The following SYT2 variants were observed in gnomAD, a reference collection of about 807,000 sequenced individuals.
The protein encoded by SYT2 is synaptotagmin-2.
A neutral mutation model predicts 39.9 loss-of-function variants in SYT2; 15 were observed. That is an observed-to-expected ratio of 0.38 (90% CI 0.25 to 0.58). The LOEUF (loss-of-function observed/expected upper bound fraction) is 0.58, where lower values mean the gene tolerates loss of function less well. Among genes scored for constraint, SYT2 ranks in the 20% least tolerant of loss-of-function variants. The pLI, the probability that SYT2 is intolerant of heterozygous loss-of-function variation, is 0.70. For missense variants in SYT2, 389 were observed against 530.3 expected (o/e 0.73, Z 2.62); for synonymous variants, 181 against 204.5 (o/e 0.89, Z 0.98).
chr1:202,597,028 C>T lies in SYT2; in HGVS notation c.1054-65G>A. On this transcript the variant is annotated intron_variant, in intron 8 of 8. Coordinates refer to ENST00000367268, the MANE Select transcript of SYT2 (RefSeq NM_177402.5). ...GTGGGATCCCATGACCAAATTTATC[C>T]TCCATCAACCTCTACTCCCAATGAT... is the stretch of plus-strand genomic sequence containing the variant. 6.5e-6 allele frequency: 9 copies of T among 1,389,714 alleles called. No homozygotes were observed. The South Asian group carries it at 9.9e-5, about 15-fold the overall frequency. 86.1% of individuals were successfully genotyped at this position (1,389,714 alleles called of 1,614,324 possible).
chr1:202,702,369 T>C (rs1654143189), intron 1 of SYT2, among the ~76,000 whole-genome samples: 1 of 152,214 alleles, frequency 6.6e-6, no homozygotes, highest in African/African-American at 2.4e-5. Flanking sequence ...AATGCCAGGA[T>C]TGATTTGGAA....
At chr1:202,615,526 C>A (rs1691010380) in intron 1 of SYT2, among the ~76,000 whole-genome samples, 1 of 152,232 alleles carries the variant, frequency 6.6e-6, no homozygotes, top group Admixed American at 6.5e-5. Flanking sequence ...AGCCTCCTAT[C>A]TGGAAGCTTC....
chr1:202,690,713 G>T (rs1403315365), intron 1 of SYT2, among the ~76,000 whole-genome samples: 1 of 152,242 alleles, frequency 6.6e-6, no homozygotes, highest in Non-Finnish European at 1.5e-5. Flanking sequence ...GCTAGGCACT[G>T]AATAAGGCAC....
intron 1 of SYT2, chr1:202,627,706 C>A (rs1392318721): frequency 4.8e-6 from 4 of 835,210 alleles, no homozygotes; most frequent in Non-Finnish European, 5.8e-6. Context: ...TGAAAATAAC[C>A]CCTAGCATGT....
intron 1 of SYT2, among the ~76,000 whole-genome samples, chr1:202,638,270 T>C (rs1337582893): frequency 2.1e-5 from 3 of 144,818 alleles, no homozygotes; most frequent in African/African-American, 7.7e-5. Context: ...CTCCCCAGTC[T>C]CAGGACACAG....
intron 2 of SYT2, 196 bp downstream of exon 2, chr1:202,605,399 C>A (rs1197114592): frequency 4.3e-6 from 2 of 468,938 alleles, no homozygotes; most frequent in South Asian, 5.4e-5. Flanking sequence ...CGCACATAAA[C>A]CCCCTTGTTT....
rs548817711 is a variant in SYT2, at chr1:202,688,983, C to T, written c.-18+21275G>A. Among the ~76,000 whole-genome samples, 8 of 152,262 alleles carry T rather than the reference C, an allele frequency of 5.3e-5. No homozygotes were observed. In the East Asian group the frequency reaches 7.7e-4, roughly 15 times the overall value. On this transcript the variant is annotated intron_variant, in intron 1 of 8. Transcript: ENST00000367268. Reference sequence around the variant, plus strand: ...TGGCCTGCAGCTCCAGGAAGGTTAACGGCTCACGGAGCAGCTCCAACGGGC... The same window carrying T: ...TGGCCTGCAGCTCCAGGAAGGTTAATGGCTCACGGAGCAGCTCCAACGGGC...
chr1:202,605,789 G>GCTGGGGAC lies in SYT2; in HGVS notation c.-17-8_-17-1dup. The GCTGGGGAC allele has an allele frequency of 6.2e-7, 1 of 1,612,812 alleles. No homozygotes were observed. The highest frequency in any genetic ancestry group is 1.3e-5 in the African/African-American group (1 of 75,024). ...GTTCCTCATGGTGGCAGAGGAAACA[G>GCTGGGGAC]CTGGGGACGAGAGGTGAAGAGGGCA... On this transcript the variant is annotated splice_region_variant and 5_prime_UTR_variant. Coordinates refer to ENST00000367268, the MANE Select transcript of SYT2 (RefSeq NM_177402.5).
chr1:202,659,549 A>C (rs1692341295), intron 1 of SYT2, among the ~76,000 whole-genome samples: 1 of 152,194 alleles, frequency 6.6e-6, no homozygotes. Flanking sequence ...TTAGCCTTGG[A>C]AACGACTCTG....
At chr1:202,643,904 T>TC (rs1242622635) in intron 1 of SYT2, among the ~76,000 whole-genome samples, 1 of 151,974 alleles carries the variant, frequency 6.6e-6, no homozygotes, top group African/African-American at 2.4e-5. Flanking sequence ...TTACAGCCTC[T>TC]CGGTTCGGGG....
In SYT2 at chr1:202,638,784, A is replaced by G. The variant is rs530766611; in HGVS notation, c.-17-32995T>C. ...CCCCTACCCCGCCCCATCCCAAGTC[A>G]GACTTATTCCCCGTCCTTTGCCCCT... On this transcript the variant is annotated intron_variant, in intron 1 of 8. Coordinates refer to ENST00000367268, the MANE Select transcript of SYT2 (RefSeq NM_177402.5). Among the ~76,000 whole-genome samples the G allele has an allele frequency of 9.2e-5, 14 of 152,184 alleles. 1 individual carries two copies. The highest frequency in any genetic ancestry group is 3.1e-4 in the African/African-American group (13 of 41,488).
intron 1 of SYT2, chr1:202,636,402 C>T: frequency 2.0e-6 from 2 of 985,320 alleles, no homozygotes; most frequent in Non-Finnish European, 2.4e-6. Flanking sequence ...AGAGGCCAAC[C>T]TGTGCATCCG....
At chr1:202,624,044 C>G (rs1691273333) in intron 1 of SYT2, among the ~76,000 whole-genome samples, 2 of 152,234 alleles carry the variant, frequency 1.3e-5, no homozygotes, top group Admixed American at 6.5e-5. Context: ...AACACACTAG[C>G]TCTGCCGATC....
chr1:202,662,561 G>A (rs1692401621), intron 1 of SYT2, among the ~76,000 whole-genome samples: 1 of 152,220 alleles, frequency 6.6e-6, no homozygotes, highest in African/African-American at 2.4e-5. Flanking sequence ...TAACCAAGAG[G>A]CAACGGATGG....
chr1:202,687,316 C>T (rs1389932637), intron 1 of SYT2, among the ~76,000 whole-genome samples: 1 of 152,150 alleles, frequency 6.6e-6, no homozygotes, highest in Non-Finnish European at 1.5e-5. Context: ...CCCCACCTGG[C>T]CCTAAGTGCT....
chr1:202,647,296 CAT>C lies in SYT2; in HGVS notation c.-17-41509_-17-41508del, dbSNP rs531541077. On this transcript the variant is annotated intron_variant, in intron 1 of 8. Transcript: ENST00000367268. ...CCTGCAGGATCAGGCTCCTGTTGCC[CAT>C]ATGTTTCCAGGGCCCGTAGAGGGAA... Among the ~76,000 whole-genome samples, 222 of 152,312 alleles carry C rather than the reference CAT, an allele frequency of 1.5e-3. 2 individuals carry two copies. Among genetic ancestry groups the C allele is most frequent in the African/African-American group, 5.1e-3 (211 of 41,568 alleles).
intron 1 of SYT2, among the ~76,000 whole-genome samples, chr1:202,638,567 G>T (rs1221249375): frequency 6.6e-6 from 1 of 152,160 alleles, no homozygotes; most frequent in Non-Finnish European, 1.5e-5. Flanking sequence ...AAACAATAAG[G>T]GAAATTTATT....
chr1:202,603,749 A>G (rs910904618), intron 3 of SYT2, among the ~76,000 whole-genome samples: 1 of 152,068 alleles, frequency 6.6e-6, no homozygotes, highest in African/African-American at 2.4e-5. Context: ...ATACATACAC[A>G]TACCTGCATG....
At chr1:202,688,635 G>A (rs1194101222) in intron 1 of SYT2, among the ~76,000 whole-genome samples, 1 of 152,204 alleles carries the variant, frequency 6.6e-6, no homozygotes, top group African/African-American at 2.4e-5. Flanking sequence ...GATTTTACAT[G>A]AGACCTTGAA....
Sources: gnomAD v4.1 joint callset for allele counts (sites outside exome capture counted in the v4.1 genomes callset) on GRCh38, gnomAD v4.1.1 for gene constraint, MANE v1.5 for transcripts, NCBI Gene and HGNC (gene_info 2026-07-23, HGNC 2026-07-21) for gene names.